XKR9: variants seen among roughly 807,000 people sequenced by gnomAD.
XKR9 encodes the protein XK-related protein 9.
Under a neutral mutation model 32.0 loss-of-function variants are expected in XKR9, and 32 were observed. The ratio of observed to expected loss-of-function variants is 1.00; its 90% CI spans 0.76 to 1.34. The LOEUF (loss-of-function observed/expected upper bound fraction) is 1.34, where lower values mean the gene tolerates loss of function less well. Ranked by LOEUF, XKR9 falls within the 40% of genes most tolerant of loss-of-function variation. The pLI is 0.00. For synonymous variants in XKR9, 168 were observed against 143.4 expected, an observed-to-expected ratio of 1.17 and a Z score of -1.22; for missense variants, 546 against 429.7, an observed-to-expected ratio of 1.27 and a Z score of -2.39.
the XKR9 span, among the ~76,000 whole-genome samples, chr8:70,833,248 A>G: frequency 6.6e-6 from 1 of 152,182 alleles, no homozygotes; most frequent in African/African-American, 2.4e-5. Flanking sequence ...GTGGTTTCTC[A>G]GAATTGTAAT....
At chr8:70,991,891 T>A in the XKR9 span, among the ~76,000 whole-genome samples, 7 of 147,480 alleles carry the variant, frequency 4.7e-5, no homozygotes, top group Non-Finnish European at 6.0e-5. Context: ...TCTGTCTTCT[T>A]TAGATTTGGT....
the XKR9 span, among the ~76,000 whole-genome samples, chr8:70,884,557 T>A: frequency 6.6e-6 from 1 of 152,196 alleles, no homozygotes; most frequent in African/African-American, 2.4e-5. Context: ...TTGTGAAATA[T>A]GTAAAGTCTG....
chr8:70,919,451 TA>T, the XKR9 span, among the ~76,000 whole-genome samples: 1 of 152,126 alleles, frequency 6.6e-6, no homozygotes, highest in African/African-American at 2.4e-5. Context: ...ATGGTTTGAT[TA>T]GGGGAAATGA....
the XKR9 span, among the ~76,000 whole-genome samples, chr8:70,854,247 T>C: frequency 3.3e-5 from 5 of 152,240 alleles, no homozygotes; most frequent in African/African-American, 1.2e-4. Flanking sequence ...TATCTCATTG[T>C]GGTTTTGATT....
chr8:70,933,697 G>A, the XKR9 span, among the ~76,000 whole-genome samples: 2 of 152,028 alleles, frequency 1.3e-5, no homozygotes, highest in African/African-American at 4.8e-5. Flanking sequence ...ATCCCAGACT[G>A]AGTGAATTAG....
chr8:70,684,822 A>G (rs537419592), intron 3 of XKR9, among the ~76,000 whole-genome samples: 2 of 147,068 alleles, frequency 1.4e-5, no homozygotes, highest in East Asian at 2.0e-4. Flanking sequence ...TTAGAATGGC[A>G]ATCATTAAAA....
At chr8:70,739,166 T>C (rs1288022683), downstream of XKR9, among the ~76,000 whole-genome samples, 1 of 152,116 alleles carries the variant, frequency 6.6e-6, no homozygotes, top group Non-Finnish European at 1.5e-5. Flanking sequence ...ATTGGGTGTA[T>C]ATATATTTAG....
chr8:71,029,258 G>T, the XKR9 span, among the ~76,000 whole-genome samples: 876 of 152,256 alleles, frequency 5.8e-3, 10 homozygotes, highest in African/African-American at 0.02. Flanking sequence ...CCAGATAAAA[G>T]ATTAAATGGA....
intron 3 of XKR9, among the ~76,000 whole-genome samples, chr8:70,685,477 G>A (rs905083995): frequency 7.8e-5 from 10 of 127,652 alleles, no homozygotes; most frequent in African/African-American, 1.2e-4. Context: ...CACATGTACC[G>A]TAAAACTTAA....
At chr8:70,765,158 G>T (rs1464317746) in intron 2 of XKR9, among the ~76,000 whole-genome samples, 2 of 152,144 alleles carry the variant, frequency 1.3e-5, no homozygotes, top group Non-Finnish European at 2.9e-5. Context: ...GATCCTTGAA[G>T]AATCACCACA....
chr8:71,056,482 G>A, the XKR9 span, among the ~76,000 whole-genome samples: 57 of 152,306 alleles, frequency 3.7e-4, no homozygotes, highest in African/African-American at 1.2e-3. Context: ...AGGAGGCACT[G>A]CTTAGTAATT....
the XKR9 span, among the ~76,000 whole-genome samples, chr8:70,945,438 T>C: frequency 6.6e-6 from 1 of 152,168 alleles, no homozygotes; most frequent in South Asian, 2.1e-4. Context: ...AAGGGGATCA[T>C]GGCATCCCCC....
At chr8:70,794,326 A>C (rs553444700), downstream of XKR9, among the ~76,000 whole-genome samples, 2 of 152,096 alleles carry the variant, frequency 1.3e-5, no homozygotes, top group East Asian at 3.9e-4. Context: ...TTCCCTCTCA[A>C]TCTGGATCCC....
chr8:70,973,674 C>T, the XKR9 span, among the ~76,000 whole-genome samples: 1 of 152,094 alleles, frequency 6.6e-6, no homozygotes, highest in African/African-American at 2.4e-5. Context: ...TATTATTACT[C>T]AGTTCAAAAA....
chr8:70,839,792 T>G, the XKR9 span, among the ~76,000 whole-genome samples: 1 of 152,118 alleles, frequency 6.6e-6, no homozygotes, highest in Non-Finnish European at 1.5e-5. Context: ...TTTAAGGATA[T>G]CTGTACCTGA....
At position 70,734,419 on chromosome 8, in the gene XKR9, G is replaced by A. The variant is rs114543585; in HGVS notation, c.1117G>A (p.Glu373Lys). The A allele has an allele frequency of 1.3e-6, 2 of 1,556,246 alleles. No individual in the cohort carries two copies. Among genetic ancestry groups the A allele is most frequent in the Non-Finnish European group, 1.7e-6 (2 of 1,162,488 alleles). Residue 373 changes from glutamate to lysine, a missense_variant, in exon 5 of 5, where the codon GAA becomes AAA. Physicochemically the swap from Glu to Lys is moderately conservative, Grantham distance 56. Transcript: ENST00000408926. ...RECRMRYFLM[E>K] ...ATGTAGAATGAGATATTTCCTAATG[G>A]AATAAGCTATTCATTTATGATATAT...
At chr8:70,704,050 C>T (rs367740690) in intron 3 of XKR9, among the ~76,000 whole-genome samples, 12 of 152,036 alleles carry the variant, frequency 7.9e-5, no homozygotes, top group Middle Eastern at 3.4e-3. Context: ...GGCATGGTGG[C>T]GGGCACCTGT....
chr8:70,967,390 C>G, the XKR9 span, among the ~76,000 whole-genome samples: 1 of 152,176 alleles, frequency 6.6e-6, no homozygotes, highest in South Asian at 2.1e-4. Flanking sequence ...CTTTATCCAT[C>G]TTGCCATTCT....
the XKR9 span, among the ~76,000 whole-genome samples, chr8:71,050,595 A>G: frequency 6.6e-6 from 1 of 152,154 alleles, no homozygotes; most frequent in Non-Finnish European, 1.5e-5. Flanking sequence ...GTTTCAAAGC[A>G]AGAAAGAACT....
Sources: allele counts gnomAD v4.1 joint callset (sites outside exome capture counted in the v4.1 genomes callset), GRCh38; gene constraint gnomAD v4.1.1; transcripts MANE v1.5; gene names NCBI Gene and HGNC (gene_info 2026-07-23, HGNC 2026-07-21).